The following RBM46 variants were observed in gnomAD, a reference collection of about 807,000 sequenced individuals.
RBM46 encodes the protein probable RNA-binding protein 46.
A neutral mutation model predicts 43.3 loss-of-function variants in RBM46; 12 were observed. The observed-to-expected ratio is 0.28, with a 90% CI of 0.18 to 0.45. RBM46 has a LOEUF of 0.45. RBM46 is among the 20% of genes least tolerant of loss of function. The pLI is 1.00. For missense variants in RBM46, 412 were observed against 639.1 expected (o/e 0.64, Z 3.83); for synonymous variants, 205 against 207.6 (o/e 0.99, Z 0.11).
In RBM46 at chr4:154,820,134, A is replaced by G. The variant is rs961706903; in HGVS notation, c.1403-7734A>G. Among the ~76,000 whole-genome samples the G allele has an allele frequency of 4.6e-5, 7 of 152,192 alleles. No homozygotes were observed. In the South Asian group the frequency reaches 1.5e-3, roughly 32 times the overall value. ...TAGAAAGATAAATTTTTTTCTGATA[A>G]TGTATTAATCATAATTTTCATTCAA... On this transcript the variant is annotated intron_variant, in intron 4 of 4. Transcript: ENST00000281722.
At chr4:154,791,453 C>T (rs1009498997) in intron 1 of RBM46, among the ~76,000 whole-genome samples, 1 of 152,066 alleles carries the variant, frequency 6.6e-6, no homozygotes, top group Non-Finnish European at 1.5e-5. Context: ...CCCAAGAGTT[C>T]GAGACCAGCC....
chr4:154,800,474 T>G (rs1734579879), intron 4 of RBM46, among the ~76,000 whole-genome samples: 1 of 152,236 alleles, frequency 6.6e-6, no homozygotes, highest in South Asian at 2.1e-4. Flanking sequence ...TTAAAACGTT[T>G]GAAGGATAAT....
At chr4:154,820,746 A>C (rs561717768) in intron 4 of RBM46, among the ~76,000 whole-genome samples, 1 of 151,904 alleles carries the variant, frequency 6.6e-6, no homozygotes, top group Admixed American at 6.6e-5. Context: ...GTATCTGAGA[A>C]TACGACTCTC....
intron 1 of RBM46, chr4:154,790,273 T>C (rs1391288804): frequency 6.6e-6 from 1 of 152,212 alleles, no homozygotes; most frequent in African/African-American, 2.4e-5. Flanking sequence ...AGGGTGTCAA[T>C]TTTAGATCTT....
At chr4:154,803,203 G>GT (rs201353538) in intron 4 of RBM46, among the ~76,000 whole-genome samples, 38 of 151,684 alleles carry the variant, frequency 2.5e-4, no homozygotes, top group East Asian at 2.3e-3. Context: ...ATATTTAGGT[G>GT]TTTTTTTTGG....
At chr4:154,785,716 G>A (rs745612801) in intron 1 of RBM46, among the ~76,000 whole-genome samples, 12 of 151,982 alleles carry the variant, frequency 7.9e-5, no homozygotes, top group Non-Finnish European at 1.2e-4. Context: ...GATGTCCTGT[G>A]GGATGTCGAG....
intron 4 of RBM46, among the ~76,000 whole-genome samples, chr4:154,804,903 TAAATA>T (rs1386368321): frequency 1.3e-5 from 2 of 149,954 alleles, no homozygotes; most frequent in African/African-American, 4.9e-5. Flanking sequence ...GAGCTAAAGA[TAAATA>T]AAACATTGTT....
intron 4 of RBM46, among the ~76,000 whole-genome samples, chr4:154,812,396 T>G (rs985784759): frequency 1.3e-5 from 2 of 152,132 alleles, no homozygotes; most frequent in Non-Finnish European, 2.9e-5. Flanking sequence ...TGTAAACATA[T>G]CTTGTTTACA....
In RBM46 at chr4:154,797,904, A is replaced by T. The variant is rs1352427618; in HGVS notation, c.245A>T (p.Glu82Val). 1.9e-6 allele frequency: 3 copies of T among 1,609,426 alleles called. No individual in the cohort carries two copies. In the South Asian group the frequency reaches 3.3e-5, roughly 18 times the overall value. Residue 82 changes from glutamate to valine, a missense_variant, in exon 3 of 5, where the codon GAA becomes GTA. Glu to Val is a moderately radical substitution (Grantham distance 121). Transcript: ENST00000281722. ...MYEDELVPVF[E>V]RAGKIYEFRL... Reference sequence around the variant, plus strand: ...GAAGATGAGTTAGTTCCTGTATTTGAAAGAGCTGGGAAGATATATGAATTT... The same window carrying T: ...GAAGATGAGTTAGTTCCTGTATTTGTAAGAGCTGGGAAGATATATGAATTT...
intron 4 of RBM46, among the ~76,000 whole-genome samples, chr4:154,825,243 TTAATA>T (rs1735904853): frequency 6.6e-6 from 1 of 152,124 alleles, no homozygotes; most frequent in African/African-American, 2.4e-5. Flanking sequence ...AACTAATTTA[TTAATA>T]TATTTTCTGA....
At chr4:154,826,336 T>G (rs1228860241) in intron 4 of RBM46, among the ~76,000 whole-genome samples, 1 of 152,014 alleles carries the variant, frequency 6.6e-6, no homozygotes, top group Non-Finnish European at 1.5e-5. Context: ...TGGGTGCCTG[T>G]AATCCCAGCT....
intron 4 of RBM46, among the ~76,000 whole-genome samples, chr4:154,813,279 A>G (rs918567846): frequency 1.3e-5 from 2 of 152,174 alleles, no homozygotes; most frequent in African/African-American, 4.8e-5. Context: ...GGGCTGAAAT[A>G]TCTGTGTATA....
intron 4 of RBM46, among the ~76,000 whole-genome samples, chr4:154,803,059 G>T (rs1052439884): frequency 6.6e-6 from 1 of 152,094 alleles, no homozygotes; most frequent in Non-Finnish European, 1.5e-5. Flanking sequence ...GAAAAAAAAT[G>T]TATGTCTTTT....
chr4:154,817,592 A>G (rs1735516229), intron 4 of RBM46, among the ~76,000 whole-genome samples: 1 of 152,026 alleles, frequency 6.6e-6, no homozygotes, highest in Non-Finnish European at 1.5e-5. Flanking sequence ...TTGGCCTCCC[A>G]AAGTGCTGGG....
intron 1 of RBM46, among the ~76,000 whole-genome samples, chr4:154,785,539 C>T (rs1331140247): frequency 6.6e-6 from 1 of 152,028 alleles, no homozygotes; most frequent in Non-Finnish European, 1.5e-5. Context: ...CAAAAGTAAT[C>T]ACAGTTTTTG....
Position 154,828,151 on chromosome 4 carries a change from T to C in RBM46, c.*84T>C. On this transcript the variant is annotated 3_prime_UTR_variant, in exon 5 of 5. Transcript: ENST00000281722. Reference sequence around the variant, plus strand: ...ATTAAAATATTGTTTTATTTTAGAATCGGGTTTGCATATTTGGTTTTAAAA... The same window carrying C: ...ATTAAAATATTGTTTTATTTTAGAACCGGGTTTGCATATTTGGTTTTAAAA... The C allele has an allele frequency of 9.2e-7, 1 of 1,085,472 alleles. No individual in the cohort carries two copies. The highest frequency in any genetic ancestry group is 1.3e-5 in the South Asian group (1 of 75,664). The allele number at this position is 1,085,472 out of a possible 1,614,324, so 67.2% of individuals were successfully genotyped here.
intron 1 of RBM46, among the ~76,000 whole-genome samples, chr4:154,785,968 A>G (rs1312279157): frequency 6.6e-6 from 1 of 151,862 alleles, no homozygotes; most frequent in Non-Finnish European, 1.5e-5. Flanking sequence ...CCTAGAGTCA[A>G]ACAGTGTTGA....
chr4:154,792,077 A>G (rs1254307705), intron 1 of RBM46, among the ~76,000 whole-genome samples: 1 of 152,200 alleles, frequency 6.6e-6, no homozygotes. Context: ...TGAATTTTAA[A>G]TATCTAAAAT....
intron 4 of RBM46, among the ~76,000 whole-genome samples, chr4:154,808,716 A>G (rs1735034012): frequency 6.6e-6 from 1 of 152,068 alleles, no homozygotes; most frequent in Non-Finnish European, 1.5e-5. Context: ...AAACAGGTTA[A>G]GATTCTGTTC....
Sources: gnomAD v4.1 joint callset for allele counts (sites outside exome capture counted in the v4.1 genomes callset) on GRCh38, gnomAD v4.1.1 for gene constraint, MANE v1.5 for transcripts, NCBI Gene and HGNC (gene_info 2026-07-23, HGNC 2026-07-21) for gene names.